KMT2A: variants seen among roughly 807,000 people sequenced by gnomAD.
KMT2A encodes the protein lysine methyltransferase 2A.
In KMT2A, 16 loss-of-function variants were observed where a neutral mutation model predicts 345.3. The observed-to-expected ratio is 0.05, with a 90% CI of 0.03 to 0.07. The LOEUF (loss-of-function observed/expected upper bound fraction) is 0.07. Among genes scored for constraint, KMT2A ranks in the 10% least tolerant of loss-of-function variants. The pLI is 1.00. For synonymous variants in KMT2A, 1,599 were observed against 1,778.6 expected, an observed-to-expected ratio of 0.90 and a Z score of 2.54; for missense variants, 3,272 against 4,841.6, an observed-to-expected ratio of 0.68 and a Z score of 9.62.
chr11:118,457,122 A>T (rs1198636551), intron 1 of KMT2A, among the ~76,000 whole-genome samples: 2 of 152,050 alleles, frequency 1.3e-5, no homozygotes, highest in Non-Finnish European at 2.9e-5. Flanking sequence ...GGCAGCAAAA[A>T]TCCAAATCTA....
Position 118,506,663 on chromosome 11 carries a change from C to T in KMT2A, c.10754+17C>T, listed in dbSNP as rs1950589778. The T allele has an allele frequency of 7.0e-6, 11 of 1,563,368 alleles. No individual in the cohort carries two copies. Among genetic ancestry groups the T allele is most frequent in the Non-Finnish European group, 7.8e-6 (9 of 1,153,664 alleles). Reference sequence around the variant, plus strand: ...AGGCACAGGGTGAGAGATCCAAATACTAGCTAGGCTGGGTCTGTGGGATTT... The same window carrying T: ...AGGCACAGGGTGAGAGATCCAAATATTAGCTAGGCTGGGTCTGTGGGATTT... On this transcript the variant is annotated intron_variant, in intron 27 of 35. Transcript: ENST00000534358.
intron 1 of KMT2A, among the ~76,000 whole-genome samples, chr11:118,464,940 A>G (rs1949815243): frequency 6.6e-6 from 1 of 152,340 alleles, no homozygotes; most frequent in African/African-American, 2.4e-5. Flanking sequence ...GCTTTAGTAG[A>G]AAAATGCCCA....
chr11:118,517,588 C>T (rs1343574581), intron 31 of KMT2A, among the ~76,000 whole-genome samples: 3 of 152,034 alleles, frequency 2.0e-5, no homozygotes, highest in African/African-American at 7.2e-5. Flanking sequence ...GTAATCCTAC[C>T]TAGCAAGTTG....
At position 118,510,173 on chromosome 11, in the gene KMT2A, C is replaced by T. The variant is rs1950658219; in HGVS notation, c.11071+55C>T. ...AGCAGAAGCCCTGTTTCAGCTAGAG[C>T]TTCATTTTCTGAGTATTAGCACCAT... On this transcript the variant is annotated intron_variant, in intron 30 of 35. Coordinates refer to ENST00000534358, the MANE Select transcript of KMT2A (RefSeq NM_001197104.2). This position sits in a 1 kb window ranked among gnomAD's most constrained non-coding sequence, Gnocchi z 4.1. 6.3e-6 allele frequency: 9 copies of T among 1,435,828 alleles called. No individual in the cohort carries two copies. In the South Asian group the frequency reaches 1.1e-4, roughly 17 times the overall value. 88.9% of individuals were successfully genotyped at this position (1,435,828 alleles called of 1,614,324 possible).
chr11:118,522,589 A>G lies in KMT2A; in HGVS notation c.*417A>G. On this transcript the variant is annotated 3_prime_UTR_variant, in exon 36 of 36. Transcript: ENST00000534358. This position sits in a 1 kb window ranked among gnomAD's most constrained non-coding sequence, Gnocchi z 5.4. ...GTGAGTGGGTCAGGCAAAGCCCCAA[A>G]TGGAGGGTTGGTTAGATTCCTGACA... The G allele has an allele frequency of 4.3e-6, 1 of 233,602 alleles. No individual in the cohort carries two copies. The allele number at this position is 233,602 out of a possible 1,614,324, so 14.5% of individuals were successfully genotyped here.
intron 1 of KMT2A, among the ~76,000 whole-genome samples, chr11:118,464,812 A>C (rs577471092): frequency 1.2e-3 from 180 of 152,354 alleles, no homozygotes; most frequent in Non-Finnish European, 2.0e-3. Context: ...GTTTAAGAGC[A>C]AAGGTCATGG....
chr11:118,466,642 C>T (rs1555034146), intron 1 of KMT2A, among the ~76,000 whole-genome samples: 1 of 151,850 alleles, frequency 6.6e-6, no homozygotes, highest in South Asian at 2.1e-4. Context: ...ATTGCAAAAG[C>T]CCATCTCTAC....
rs1555047715 is a variant in KMT2A, at chr11:118,505,370, T to A, written c.9478T>A (p.Ser3160Thr). The A allele has an allele frequency of 6.2e-7, 1 of 1,614,144 alleles. No homozygotes were observed. Among genetic ancestry groups the A allele is most frequent in the South Asian group, 1.1e-5 (1 of 91,070 alleles). The change falls in exon 27 of 36, where the codon TCT (serine) becomes ACT (threonine). Residue 3160 changes from serine to threonine, a missense_variant. Physicochemically the swap from Ser to Thr is moderately conservative, Grantham distance 58. Coordinates refer to ENST00000534358, the MANE Select transcript of KMT2A (RefSeq NM_001197104.2). This position sits in a 1 kb window ranked among gnomAD's most constrained non-coding sequence, Gnocchi z 4.6. ...PSASKGLLPM[S>T]HHQHLHSFPA... ...TGCTAGCAAAGGATTGCTACCCATG[T>A]CTCATCACCAGCACTTACATTCCTT...
At chr11:118,462,245 T>C (rs565128826) in intron 1 of KMT2A, among the ~76,000 whole-genome samples, 1 of 152,122 alleles carries the variant, frequency 6.6e-6, no homozygotes, top group Admixed American at 6.5e-5. Flanking sequence ...TGAACCACCA[T>C]GCCCGGCTGC....
chr11:118,451,627 G>C (rs1014584578), intron 1 of KMT2A, among the ~76,000 whole-genome samples: 1 of 151,192 alleles, frequency 6.6e-6, no homozygotes, highest in African/African-American at 2.4e-5. Flanking sequence ...GACCTCAGGT[G>C]ATCCACCCAC....
rs1950322099 is a variant in KMT2A at position 118,491,373 on chromosome 11, G to C, written c.4819+55G>C. 2 of 1,534,760 alleles carry C rather than the reference G, an allele frequency of 1.3e-6. No homozygotes were observed. Among genetic ancestry groups the C allele is most frequent in the Admixed American group, 2.0e-5 (1 of 49,114 alleles). On this transcript the variant is annotated intron_variant, in intron 14 of 35. Coordinates refer to ENST00000534358, the MANE Select transcript of KMT2A (RefSeq NM_001197104.2). The surrounding 1 kb of genome is among the most constrained non-coding windows in gnomAD (Gnocchi z 4.2). Reference sequence around the variant, plus strand: ...TTTCTAGGTACTACTACATTTATTAGCCTCTAGAGCACTTTAAACCTAAAA... The same window carrying C: ...TTTCTAGGTACTACTACATTTATTACCCTCTAGAGCACTTTAAACCTAAAA...
chr11:118,518,905 G>T (rs1182775098), intron 31 of KMT2A, among the ~76,000 whole-genome samples: 2 of 150,224 alleles, frequency 1.3e-5, no homozygotes, highest in East Asian at 1.9e-4. Context: ...GTGAAACTCC[G>T]TCTCTACTAA....
chr11:118,495,268 C>T lies in KMT2A; in HGVS notation c.5364-432C>T, dbSNP rs1415776957. 3.9e-5 allele frequency among the ~76,000 whole-genome samples: 6 copies of T among 152,006 alleles called. No individual in the cohort carries two copies. The highest frequency in any genetic ancestry group is 4.1e-4 in the South Asian group (2 of 4,820). The stretch of plus-strand genomic sequence containing the variant: ...CCGCCTCCCTGGTTCAAGCGATTCT[C>T]CTCCCTCAGCCTCCCAAGTAGCTGG... On this transcript the variant is annotated intron_variant, in intron 18 of 35. Coordinates refer to ENST00000534358, the MANE Select transcript of KMT2A (RefSeq NM_001197104.2). This position sits in a 1 kb window ranked among gnomAD's most constrained non-coding sequence, Gnocchi z 4.1.
intron 1 of KMT2A, among the ~76,000 whole-genome samples, chr11:118,458,919 G>T (rs1200320853): frequency 6.6e-6 from 1 of 152,180 alleles, no homozygotes; most frequent in Non-Finnish European, 1.5e-5. Context: ...TTGATGGAAT[G>T]ATATATAATG....
At chr11:118,464,799 A>G (rs1949811463) in intron 1 of KMT2A, among the ~76,000 whole-genome samples, 1 of 152,202 alleles carries the variant, frequency 6.6e-6, no homozygotes, top group Non-Finnish European at 1.5e-5. Flanking sequence ...GCAAAAGCAG[A>G]CTGTTTAAGA....
rs543283835 is a variant in KMT2A at position 118,526,099 on chromosome 11, G to C, written c.*3927G>C. 24 of 218,342 alleles carry C rather than the reference G, an allele frequency of 1.1e-4. No homozygotes were observed. In the East Asian group the frequency reaches 1.6e-3, roughly 15 times the overall value. The allele number at this position is 218,342 out of a possible 1,614,324, so 13.5% of individuals were successfully genotyped here. A position where few individuals can be genotyped will look rare whatever the true frequency, so the allele number is the denominator to read the frequency against. ...GGATTGTGTTACAGTTGCTAGTAGCGGCAGGAAGATGTCAGGCTCACTTTC... is the reference window on the plus strand; with the variant it reads ...GGATTGTGTTACAGTTGCTAGTAGCCGCAGGAAGATGTCAGGCTCACTTTC... On this transcript the variant is annotated 3_prime_UTR_variant, in exon 36 of 36. Transcript: ENST00000534358.
Position 118,505,579 on chromosome 11 carries a change from A to G in KMT2A, c.9687A>G (p.Leu3229=), listed in dbSNP as rs1555047900. The change falls in exon 27 of 36, where the codon CTA becomes CTG. Residue 3229 remains leucine, a synonymous_variant. Coordinates refer to ENST00000534358, the MANE Select transcript of KMT2A (RefSeq NM_001197104.2). The surrounding 1 kb of genome is among the most constrained non-coding windows in gnomAD (Gnocchi z 4.6). ...TCAAGAAAAGACCCATATCTCGTCTACAGACCCGAAAGAATAAAAAACTTG... is the reference window on the plus strand; with the variant it reads ...TCAAGAAAAGACCCATATCTCGTCTGCAGACCCGAAAGAATAAAAAACTTG... ...SGLKKRPISR[L]QTRKNKKLAP... The G allele has an allele frequency of 6.2e-7, 1 of 1,614,140 alleles. No individual in the cohort carries two copies. The highest frequency in any genetic ancestry group is 8.5e-7 in the Non-Finnish European group (1 of 1,179,996).
chr11:118,444,192 TA>T (rs1949370460), intron 1 of KMT2A, among the ~76,000 whole-genome samples: 1 of 152,238 alleles, frequency 6.6e-6, no homozygotes, highest in South Asian at 2.1e-4. Context: ...TTATCTCTAA[TA>T]AATATCCTAC....
rs1555047098 is a variant in KMT2A at position 118,504,161 on chromosome 11, A to G, written c.8269A>G (p.Lys2757Glu). 1.2e-6 allele frequency: 2 copies of G among 1,614,208 alleles called. No homozygotes were observed. The highest frequency in any genetic ancestry group is 1.7e-5 in the Admixed American group (1 of 60,030). ...NGKENGTENL[K>E]IDRPEDAGEK... The stretch of plus-strand genomic sequence containing the variant: ...TAAAGAAAATGGAACAGAGAACTTA[A>G]AGATTGATAGACCTGAAGATGCTGG... Residue 2757 changes from lysine to glutamate, a missense_variant, in exon 27 of 36, where the codon AAG becomes GAG. Lys to Glu is a moderately conservative substitution (Grantham distance 56). Coordinates refer to ENST00000534358, the MANE Select transcript of KMT2A (RefSeq NM_001197104.2). The surrounding 1 kb of genome is among the most constrained non-coding windows in gnomAD (Gnocchi z 6.4).
Sources: gnomAD v4.1 joint callset for allele counts (sites outside exome capture counted in the v4.1 genomes callset) on GRCh38, gnomAD v4.1.1 for gene constraint, Gnocchi (gnomAD v3.1) non-coding constraint, MANE v1.5 for transcripts, NCBI Gene and HGNC (gene_info 2026-07-23, HGNC 2026-07-21) for gene names.